The following PRKG1 variants were observed in gnomAD, a reference collection of about 807,000 sequenced individuals.
The protein encoded by PRKG1 is protein kinase cGMP-dependent 1, also known as cGMP-dependent protein kinase 1.
PRKG1 carries 35 observed loss-of-function variants against 88.1 expected under a neutral mutation model. The ratio of observed to expected loss-of-function variants is 0.40; its 90% CI spans 0.30 to 0.53. The LOEUF (loss-of-function observed/expected upper bound fraction) is 0.53, where lower values mean the gene tolerates loss of function less well. Ranked by LOEUF, PRKG1 falls within the 20% of genes least tolerant of loss-of-function variation. The pLI, the probability that PRKG1 is intolerant of heterozygous loss-of-function variation, is 0.59. For synonymous variants in PRKG1, 303 were observed against 292.5 expected (o/e 1.04, Z -0.37); for missense variants, 540 against 839.8 (o/e 0.64, Z 4.41).
chr10:52,146,151 A>G (rs1273185056), intron 8 of PRKG1, among the ~76,000 whole-genome samples: 1 of 152,134 alleles, frequency 6.6e-6, no homozygotes, highest in African/African-American at 2.4e-5. Flanking sequence ...CATTATTCCC[A>G]TGGGGTTCAC....
intron 4 of PRKG1, among the ~76,000 whole-genome samples, chr10:51,819,733 C>A (rs1296786566): frequency 6.6e-6 from 1 of 152,160 alleles, no homozygotes. Context: ...ACCAGGGAAA[C>A]AAGCCACACA....
chr10:51,805,232 C>G (rs554524374), intron 4 of PRKG1, among the ~76,000 whole-genome samples: 1 of 151,858 alleles, frequency 6.6e-6, no homozygotes, highest in East Asian at 1.9e-4. Flanking sequence ...TCATTTTATG[C>G]TACAGGTTTG....
intron 1 of PRKG1, among the ~76,000 whole-genome samples, chr10:51,146,924 G>A (rs1336040124): frequency 1.3e-5 from 2 of 152,084 alleles, no homozygotes; most frequent in Non-Finnish European, 2.9e-5. Context: ...AACAGATAAG[G>A]AAATGTGGTA....
chr10:51,743,016 C>G lies in PRKG1; in HGVS notation c.593-61569C>G, dbSNP rs537099950. Among the ~76,000 whole-genome samples the G allele has an allele frequency of 7.9e-5, 12 of 152,126 alleles. No individual in the cohort carries two copies. In the South Asian group the frequency reaches 8.3e-4, roughly 11 times the overall value. The stretch of plus-strand genomic sequence containing the variant: ...TACCTATGTAACAAACCTGCACGTT[C>G]AGCACATGTATCCCAGAACTTAAAG... On this transcript the variant is annotated intron_variant, in intron 3 of 17. Coordinates refer to ENST00000373980, the MANE Select transcript of PRKG1 (RefSeq NM_006258.4).
At chr10:51,446,764 A>G (rs1440469901) in intron 2 of PRKG1, among the ~76,000 whole-genome samples, 2 of 152,122 alleles carry the variant, frequency 1.3e-5, no homozygotes, top group African/African-American at 4.8e-5. Flanking sequence ...CACTTTGAGA[A>G]GGATGGCCCC....
chr10:51,769,559 C>G (rs1313480797), intron 3 of PRKG1, among the ~76,000 whole-genome samples: 1 of 151,962 alleles, frequency 6.6e-6, no homozygotes, highest in Admixed American at 6.6e-5. Context: ...TTGCTTTGAC[C>G]CAGACTTTCT....
intron 5 of PRKG1, among the ~76,000 whole-genome samples, chr10:52,028,480 C>T (rs1383642341): frequency 6.6e-6 from 1 of 152,144 alleles, no homozygotes; most frequent in East Asian, 1.9e-4. Context: ...CTGTAAAATA[C>T]TCTTTTATTA....
At chr10:51,721,257 A>G (rs1216444679) in intron 3 of PRKG1, among the ~76,000 whole-genome samples, 1 of 151,940 alleles carries the variant, frequency 6.6e-6, no homozygotes, top group East Asian at 1.9e-4. Flanking sequence ...AACACTTAAC[A>G]TTGGCAAACA....
chr10:52,032,172 C>A (rs1024166619), intron 5 of PRKG1, among the ~76,000 whole-genome samples: 4 of 152,140 alleles, frequency 2.6e-5, no homozygotes, highest in Admixed American at 6.6e-5. Flanking sequence ...AAATTCAAGA[C>A]TTCACTTCTC....
At chr10:51,373,636 A>C (rs1296573959) in intron 2 of PRKG1, among the ~76,000 whole-genome samples, 1 of 152,006 alleles carries the variant, frequency 6.6e-6, no homozygotes, top group Non-Finnish European at 1.5e-5. Context: ...TTGTTCCCTT[A>C]ATCAACCCAA....
intron 5 of PRKG1, among the ~76,000 whole-genome samples, chr10:52,032,153 G>C (rs1589537730): frequency 1.3e-5 from 2 of 152,172 alleles, no homozygotes; most frequent in Admixed American, 6.5e-5. Flanking sequence ...CTGTAATGGA[G>C]ATTAAATAAA....
chr10:51,616,353 G>A (rs145548717), intron 3 of PRKG1, among the ~76,000 whole-genome samples: 478 of 152,256 alleles, frequency 3.1e-3, no homozygotes, highest in Middle Eastern at 0.017. Context: ...TCAGGGTCTC[G>A]AGTCCCTGGG....
chr10:51,777,830 A>C (rs924911909), intron 3 of PRKG1, among the ~76,000 whole-genome samples: 5 of 152,120 alleles, frequency 3.3e-5, no homozygotes, highest in Non-Finnish European at 5.9e-5. Flanking sequence ...CCTTTTCCAG[A>C]ATGTCGTATA....
chr10:51,901,616 A>G (rs1020044924), intron 4 of PRKG1, among the ~76,000 whole-genome samples: 1 of 152,208 alleles, frequency 6.6e-6, no homozygotes, highest in Non-Finnish European at 1.5e-5. Context: ...TTCAGTTTTA[A>G]GTTGAAAAGC....
intron 2 of PRKG1, among the ~76,000 whole-genome samples, chr10:51,342,475 A>T (rs1842023866): frequency 2.0e-5 from 3 of 152,218 alleles, no homozygotes; most frequent in Non-Finnish European, 4.4e-5. Context: ...ACTATTTTTA[A>T]GTGAAATAAA....
chr10:51,867,237 C>A (rs7907738), intron 4 of PRKG1, among the ~76,000 whole-genome samples: 3,555 of 152,190 alleles, frequency 0.023, 136 homozygotes, highest in African/African-American at 0.08. Flanking sequence ...ACTATAAAGG[C>A]AGGTGGAAGT....
chr10:51,735,908 TTTCCCTCC>T (rs1564626619), intron 3 of PRKG1, among the ~76,000 whole-genome samples: 8 of 146,330 alleles, frequency 5.5e-5, no homozygotes, highest in South Asian at 2.1e-4. Flanking sequence ...TTTATTTATT[TTTCCCTCC>T]AACTTTAAGT....
intron 7 of PRKG1, chr10:52,125,594 T>G (rs767063125): frequency 1.3e-5 from 2 of 152,172 alleles, no homozygotes; most frequent in Non-Finnish European, 2.9e-5. Context: ...CACGTTTCTG[T>G]TTGTGTCTTC....
chr10:51,668,505 T>C (rs1214125582), intron 3 of PRKG1, among the ~76,000 whole-genome samples: 1 of 152,216 alleles, frequency 6.6e-6, no homozygotes, highest in Non-Finnish European at 1.5e-5. Flanking sequence ...ACTTCTGGGC[T>C]CAAGTGATCT....
Sources: gnomAD v4.1 joint callset for allele counts (sites outside exome capture counted in the v4.1 genomes callset) on GRCh38, gnomAD v4.1.1 for gene constraint, MANE v1.5 for transcripts, NCBI Gene and HGNC (gene_info 2026-07-23, HGNC 2026-07-21) for gene names.